The following FBN1 variants were observed in gnomAD, a reference collection of about 807,000 sequenced individuals.
FBN1 encodes fibrillin 1, also known as fibrillin-1.
In FBN1, 29 loss-of-function variants were observed where a neutral mutation model predicts 365.1. The observed-to-expected ratio is 0.08, with a 90% CI of 0.06 to 0.11. The LOEUF is 0.11. Among genes scored for constraint, FBN1 ranks in the 10% least tolerant of loss-of-function variants. The probability of loss-of-function intolerance (pLI) is 1.00; values close to 1 mark genes in which losing one functional copy is unlikely to be tolerated. For missense variants in FBN1, 2,476 were observed against 3,703.2 expected (o/e 0.67, Z 8.60); for synonymous variants, 1,210 against 1,270.5 (o/e 0.95, Z 1.01).
chr15:48,496,372 A>C, intron 19 of FBN1, 147 bp from the exon 20 acceptor site: 3 of 936,264 alleles, frequency 3.2e-6, no homozygotes, highest in South Asian at 1.6e-5. Context: ...GCTTTTACCT[A>C]AACTATCTCA....
intron 2 of FBN1, among the ~76,000 whole-genome samples, chr15:48,635,409 A>G (rs1412037037): frequency 1.3e-5 from 2 of 152,186 alleles, no homozygotes; most frequent in Non-Finnish European, 2.9e-5. Flanking sequence ...TCCTAATCCA[A>G]TTTTATTCTA....
chr15:48,477,290 A>G (rs2043427628), intron 32 of FBN1, among the ~76,000 whole-genome samples: 1 of 152,184 alleles, frequency 6.6e-6, no homozygotes, highest in Non-Finnish European at 1.5e-5. Context: ...TTTCAGTTTT[A>G]TGGCAATGTT....
intron 17 of FBN1, among the ~76,000 whole-genome samples, chr15:48,501,933 T>C (rs1434075678): frequency 6.6e-6 from 1 of 152,244 alleles, no homozygotes; most frequent in Admixed American, 6.5e-5. Flanking sequence ...ATTGAACTGA[T>C]TGGTGATCAT....
At chr15:48,552,276 C>CTTTT (rs71432262) in intron 6 of FBN1, among the ~76,000 whole-genome samples, 1 of 139,976 alleles carries the variant, frequency 7.1e-6, no homozygotes, top group Non-Finnish European at 1.6e-5. Flanking sequence ...CTTTTTTTTT[C>CTTTT]TTTTTTTTTT....
intron 30 of FBN1, 39 bp downstream of exon 30, chr15:48,485,335 C>G (rs1260521841): frequency 6.2e-7 from 1 of 1,614,046 alleles, no homozygotes; most frequent in East Asian, 2.2e-5. Context: ...TACTTAGGAA[C>G]CTACTGAGAG....
chr15:48,608,226 G>A (rs1056608813), intron 4 of FBN1, among the ~76,000 whole-genome samples: 1 of 152,170 alleles, frequency 6.6e-6, no homozygotes, highest in African/African-American at 2.4e-5. Flanking sequence ...ATTCAAGTGG[G>A]AAAACTAAGC....
chr15:48,626,515 T>C (rs570424482), intron 2 of FBN1, among the ~76,000 whole-genome samples: 7 of 152,280 alleles, frequency 4.6e-5, no homozygotes, highest in Middle Eastern at 3.4e-3. Flanking sequence ...CATGGATCTT[T>C]AAAACATTTC....
Position 48,496,152 on chromosome 15 carries a change from G to A in FBN1, c.2367C>T (p.Val789=). 1.2e-6 allele frequency: 2 copies of A among 1,613,816 alleles called. No homozygotes were observed. The highest frequency in any genetic ancestry group is 1.7e-6 in the Non-Finnish European group (2 of 1,179,824). Residue 789 remains valine, a synonymous_variant, in exon 20 of 66, where the codon GTC becomes GTT. Coordinates refer to ENST00000316623, the MANE Select transcript of FBN1 (RefSeq NM_000138.5). ...GQCRNTPGSF[V]CTCPKGFIYK... ...AGATAAATCCCTTGGGGCAGGTACAGACAAAACTTCCAGGAGTATTTCTAC... is the reference window on the plus strand; with the variant it reads ...AGATAAATCCCTTGGGGCAGGTACAAACAAAACTTCCAGGAGTATTTCTAC...
At chr15:48,437,691 A>G in intron 51 of FBN1, 77 bp downstream of exon 51, 1 of 1,429,908 alleles carries the variant, frequency 7.0e-7, no homozygotes, top group Admixed American at 1.8e-5. Context: ...ACTGTCTTTA[A>G]GGCCTACAGT....
chr15:48,576,820 A>C (rs1047224672), intron 6 of FBN1, among the ~76,000 whole-genome samples: 1 of 152,176 alleles, frequency 6.6e-6, no homozygotes, highest in African/African-American at 2.4e-5. Flanking sequence ...GGTCAGACAG[A>C]AAATATACTA....
At chr15:48,483,427 A>G (rs1030145562) in intron 31 of FBN1, among the ~76,000 whole-genome samples, 12 of 152,384 alleles carry the variant, frequency 7.9e-5, no homozygotes, top group African/African-American at 2.9e-4. Flanking sequence ...AATAGAAACT[A>G]TACAAAACAA....
chr15:48,566,005 T>C (rs2044256605), intron 6 of FBN1, among the ~76,000 whole-genome samples: 1 of 152,166 alleles, frequency 6.6e-6, no homozygotes, highest in African/African-American at 2.4e-5. Flanking sequence ...TAAACCAGAA[T>C]TTTTTTCTTA....
At chr15:48,453,290 C>CAAAAAA (rs748356141) in intron 44 of FBN1, among the ~76,000 whole-genome samples, 1 of 32,916 alleles carries the variant, frequency 3.0e-5, no homozygotes, top group East Asian at 4.5e-4. Context: ...AAAAATAAAA[C>CAAAAAA]AAACAAAAAA....
chr15:48,525,319 T>C (rs555924265), intron 9 of FBN1, among the ~76,000 whole-genome samples: 2 of 152,272 alleles, frequency 1.3e-5, no homozygotes, highest in Non-Finnish European at 2.9e-5. Context: ...ACTCCTGACC[T>C]GACTGAAGCA....
chr15:48,562,050 G>GT (rs1227842144), intron 6 of FBN1, among the ~76,000 whole-genome samples: 2 of 152,128 alleles, frequency 1.3e-5, no homozygotes, highest in Non-Finnish European at 1.5e-5. Context: ...CAATCATGAC[G>GT]TAAGTTGTCA....
intron 42 of FBN1, 90 bp downstream of exon 42, chr15:48,462,992 C>T: frequency 7.6e-7 from 1 of 1,313,770 alleles, no homozygotes; most frequent in Non-Finnish European, 1.1e-6. Context: ...ACAATGCACA[C>T]TTTGCTTCCT....
At chr15:48,564,823 T>C (rs531307595) in intron 6 of FBN1, among the ~76,000 whole-genome samples, 12 of 151,926 alleles carry the variant, frequency 7.9e-5, no homozygotes, top group African/African-American at 2.9e-4. Context: ...ATGGGGGAGG[T>C]ATCTCAGAGA....
intron 38 of FBN1, among the ~76,000 whole-genome samples, chr15:48,467,432 C>T (rs763582150): frequency 1.3e-5 from 2 of 152,158 alleles, no homozygotes; most frequent in South Asian, 2.1e-4. Flanking sequence ...CTTGGAAAAA[C>T]GAAAACCCTT....
chr15:48,609,904 T>G lies in FBN1; in HGVS notation c.346+824A>C, dbSNP rs189682831. Among the ~76,000 whole-genome samples, 375 of 152,342 alleles carry G rather than the reference T, an allele frequency of 2.5e-3. 3 individuals carry two copies. Among genetic ancestry groups the G allele is most frequent in the African/African-American group, 8.9e-3 (371 of 41,582 alleles). On this transcript the variant is annotated intron_variant, in intron 4 of 65. Coordinates refer to ENST00000316623, the MANE Select transcript of FBN1 (RefSeq NM_000138.5). ...TAATGAGCCTTGACACAGTGAAGTCTCTACTTGCAGTAAACAAAAGAGAAT... is the reference window on the plus strand; with the variant it reads ...TAATGAGCCTTGACACAGTGAAGTCGCTACTTGCAGTAAACAAAAGAGAAT...
Sources: allele counts gnomAD v4.1 joint callset (sites outside exome capture counted in the v4.1 genomes callset), GRCh38; gene constraint gnomAD v4.1.1; transcripts MANE v1.5; gene names NCBI Gene and HGNC (gene_info 2026-07-23, HGNC 2026-07-21).